The following DCAF5 variants were observed in gnomAD, a reference collection of about 807,000 sequenced individuals.
The protein encoded by DCAF5 is DDB1 and CUL4 associated factor 5.
A neutral mutation model predicts 80.7 loss-of-function variants in DCAF5; 9 were observed. The ratio of observed to expected loss-of-function variants is 0.11; its 90% CI spans 0.07 to 0.19. DCAF5 has a LOEUF of 0.19. Ranked by LOEUF, DCAF5 falls within the 10% of genes least tolerant of loss-of-function variation. The pLI is 1.00. For synonymous variants in DCAF5, 433 were observed against 461.9 expected, an observed-to-expected ratio of 0.94 and a Z score of 0.80; for missense variants, 842 against 1,205.7, an observed-to-expected ratio of 0.70 and a Z score of 4.47.
At chr14:69,072,106 C>T (rs544591846) in intron 7 of DCAF5, among the ~76,000 whole-genome samples, 2 of 152,256 alleles carry the variant, frequency 1.3e-5, no homozygotes, top group East Asian at 3.9e-4. Context: ...CCCCATTTCC[C>T]TATTTGGCTT....
chr14:69,095,075 A>G (rs1247552154), intron 5 of DCAF5, among the ~76,000 whole-genome samples: 1 of 152,184 alleles, frequency 6.6e-6, no homozygotes, highest in Non-Finnish European at 1.5e-5. Context: ...AGGATCTCCA[A>G]TTCCTCTTCA....
At chr14:69,141,826 T>C (rs2041384032) in intron 1 of DCAF5, among the ~76,000 whole-genome samples, 1 of 152,204 alleles carries the variant, frequency 6.6e-6, no homozygotes, top group African/African-American at 2.4e-5. Flanking sequence ...GTGGATCCAT[T>C]ATAAACCTGT....
chr14:69,123,227 A>G (rs2040777136), intron 1 of DCAF5, among the ~76,000 whole-genome samples: 1 of 152,250 alleles, frequency 6.6e-6, no homozygotes, highest in Non-Finnish European at 1.5e-5. Flanking sequence ...AATGAGGTAT[A>G]AAACAGTATG....
intron 6 of DCAF5, among the ~76,000 whole-genome samples, chr14:69,091,419 C>T (rs1212316330): frequency 3.3e-5 from 5 of 152,102 alleles, no homozygotes; most frequent in Admixed American, 3.3e-4. Context: ...AATCTGTTCA[C>T]AAACTTGGCA....
At chr14:69,098,443 G>T (rs1460638664) in intron 5 of DCAF5, among the ~76,000 whole-genome samples, 1 of 151,780 alleles carries the variant, frequency 6.6e-6, no homozygotes, top group Non-Finnish European at 1.5e-5. Context: ...TATTTATTTT[G>T]TTTCCTATTT....
At chr14:69,101,736 G>A (rs998450126) in intron 5 of DCAF5, among the ~76,000 whole-genome samples, 3 of 152,172 alleles carry the variant, frequency 2.0e-5, no homozygotes, top group Non-Finnish European at 4.4e-5. Context: ...CCCCAGCTAT[G>A]TGGTATAACC....
Position 69,055,279 on chromosome 14 carries a change from C to T in DCAF5, c.1407G>A (p.Pro469=), listed in dbSNP as rs146553663. 82 of 1,613,980 alleles carry T rather than the reference C, an allele frequency of 5.1e-5. No homozygotes were observed. In the South Asian group the frequency reaches 5.7e-4, roughly 11 times the overall value. The stretch of plus-strand genomic sequence containing the variant: ...CGGCAGACTCATCTACTGTGGGAGG[C>T]GGGGAGCGAGGCAATGAGGCCGAAG... ...SESSASLPRS[P]PPTVDESADN... The change falls in exon 9 of 9, where the codon CCG becomes CCA. Residue 469 remains proline, a synonymous_variant. Coordinates refer to ENST00000341516, the MANE Select transcript of DCAF5 (RefSeq NM_003861.3). The surrounding 1 kb of genome is among the most constrained non-coding windows in gnomAD (Gnocchi z 5.6).
chr14:69,084,955 CCTTGCT>C (rs1158911921), intron 6 of DCAF5: 27 of 1,422,808 alleles, frequency 1.9e-5, no homozygotes, highest in Non-Finnish European at 2.3e-5. Context: ...AGAAGGCATG[CCTTGCT>C]CATTTTGCAC....
intron 5 of DCAF5, among the ~76,000 whole-genome samples, chr14:69,097,871 G>T (rs948330133): frequency 6.6e-6 from 1 of 152,076 alleles, no homozygotes; most frequent in Non-Finnish European, 1.5e-5. Context: ...TTTCAGGCAT[G>T]AGCCACCATG....
chr14:69,086,622 A>T (rs61981632), intron 6 of DCAF5, among the ~76,000 whole-genome samples: 43,934 of 123,402 alleles, frequency 0.36, 8,609 homozygotes, highest in East Asian at 0.91. Context: ...GGAGTTATTA[A>T]AAAAAAAAAA....
At chr14:69,139,068 T>C (rs1481473531) in intron 1 of DCAF5, among the ~76,000 whole-genome samples, 1 of 152,084 alleles carries the variant, frequency 6.6e-6, no homozygotes, top group Non-Finnish European at 1.5e-5. Flanking sequence ...GGAGGATCAC[T>C]TGAGCCAAGG....
At chr14:69,083,443 T>TG (rs2039193599) in intron 6 of DCAF5, 1 of 320,438 alleles carries the variant, frequency 3.1e-6, no homozygotes, top group Non-Finnish European at 6.0e-6. Context: ...GATCAAGAAG[T>TG]GGAACCTCAA....
At chr14:69,080,964 C>G (rs926459537) in intron 6 of DCAF5, among the ~76,000 whole-genome samples, 1 of 150,176 alleles carries the variant, frequency 6.7e-6, no homozygotes, top group South Asian at 2.1e-4. Flanking sequence ...CTAAACATGA[C>G]GAGGGGGAAA....
chr14:69,086,920 G>A (rs552813000), intron 6 of DCAF5, among the ~76,000 whole-genome samples: 24 of 152,288 alleles, frequency 1.6e-4, no homozygotes, highest in African/African-American at 5.5e-4. Context: ...GCTCAGGTAC[G>A]CCAGTGCTCA....
chr14:69,099,389 C>A (rs2139997638), intron 5 of DCAF5, among the ~76,000 whole-genome samples: 1 of 151,408 alleles, frequency 6.6e-6, no homozygotes, highest in South Asian at 2.1e-4. Flanking sequence ...GGGCAAGCAG[C>A]AGAACAGCAT....
chr14:69,059,731 T>C (rs1372409629), intron 8 of DCAF5, among the ~76,000 whole-genome samples: 1 of 152,178 alleles, frequency 6.6e-6, no homozygotes, highest in Non-Finnish European at 1.5e-5. Flanking sequence ...GGATGACACC[T>C]GTGAGACAGC....
chr14:69,114,393 C>G (rs2040474856), intron 5 of DCAF5, among the ~76,000 whole-genome samples: 4 of 152,076 alleles, frequency 2.6e-5, no homozygotes, highest in Admixed American at 6.5e-5. Flanking sequence ...GGGGCTAGAT[C>G]TGTTAGTGTT....
intron 5 of DCAF5, among the ~76,000 whole-genome samples, chr14:69,113,870 G>T (rs1392828524): frequency 6.6e-6 from 1 of 152,096 alleles, no homozygotes; most frequent in African/African-American, 2.4e-5. Flanking sequence ...TGAAATAAAT[G>T]CAAAAACATC....
At chr14:69,151,465 C>T (rs1462979724) in intron 1 of DCAF5, among the ~76,000 whole-genome samples, 3 of 152,218 alleles carry the variant, frequency 2.0e-5, no homozygotes, top group Non-Finnish European at 4.4e-5. Flanking sequence ...ATTAGAAAGA[C>T]ATTCAGGGAC....
Sources: allele counts gnomAD v4.1 joint callset (sites outside exome capture counted in the v4.1 genomes callset), GRCh38; gene constraint gnomAD v4.1.1; non-coding constraint Gnocchi (gnomAD v3.1); transcripts MANE v1.5; gene names NCBI Gene and HGNC (gene_info 2026-07-23, HGNC 2026-07-21).